WDR45B: variants seen among roughly 807,000 people sequenced by gnomAD.
WDR45B encodes the protein WD repeat domain 45B.
WDR45B carries 20 observed loss-of-function variants against 44.6 expected under a neutral mutation model. The ratio of observed to expected loss-of-function variants is 0.45; its 90% confidence interval spans 0.32 to 0.65. WDR45B has a LOEUF of 0.65. Ranked by LOEUF, WDR45B falls within the 30% of genes least tolerant of loss-of-function variation. The probability of loss-of-function intolerance (pLI) is 0.05; values close to 1 mark genes in which losing one functional copy is unlikely to be tolerated. For missense variants in WDR45B, 323 were observed against 430.2 expected (o/e 0.75, Z 2.20); for synonymous variants, 169 against 164.9 (o/e 1.02, Z -0.19).
At chr17:82,631,277 A>ATTTTTTTTTT (rs386386786) in intron 2 of WDR45B, among the ~76,000 whole-genome samples, 3 of 86,846 alleles carry the variant, frequency 3.5e-5, no homozygotes, top group East Asian at 3.4e-4. Context: ...TACAGGACTC[A>ATTTTTTTTTT]TTTTTTTTTT....
chr17:82,640,944 G>A (rs1479942251), intron 2 of WDR45B, among the ~76,000 whole-genome samples: 2 of 147,098 alleles, frequency 1.4e-5, no homozygotes, highest in African/African-American at 5.0e-5. Flanking sequence ...CTGGAATTTA[G>A]AAGTTTTAGA....
intron 2 of WDR45B, chr17:82,636,443 A>G (rs1288130395): frequency 6.6e-6 from 1 of 151,966 alleles, no homozygotes; most frequent in Admixed American, 6.6e-5. Flanking sequence ...GGTAAGAGCC[A>G]AACTTCAGGA....
At chr17:82,629,892 C>T (rs2045745524) in intron 3 of WDR45B, 10 of 985,170 alleles carry the variant, frequency 1.0e-5, no homozygotes, top group African/African-American at 1.7e-5. Flanking sequence ...ATTTGGCATG[C>T]GGCGCCCCCA....
chr17:82,642,214 C>T (rs913438001), intron 2 of WDR45B, among the ~76,000 whole-genome samples: 2 of 152,064 alleles, frequency 1.3e-5, no homozygotes, highest in Non-Finnish European at 2.9e-5. Flanking sequence ...CACAGCAGGA[C>T]GCAAGCAGCA....
chr17:82,623,492 G>A (rs1036433452), intron 5 of WDR45B, among the ~76,000 whole-genome samples: 57 of 151,780 alleles, frequency 3.8e-4, no homozygotes, highest in African/African-American at 1.3e-3. Flanking sequence ...ACGAGGTCAG[G>A]AGATCAAGAC....
chr17:82,626,455 C>T (rs2045698609), intron 4 of WDR45B, among the ~76,000 whole-genome samples: 1 of 145,076 alleles, frequency 6.9e-6, no homozygotes, highest in South Asian at 2.3e-4. Context: ...ATTGCTTGAA[C>T]CCGGGAGGCA....
At position 82,616,749 on chromosome 17, in the gene WDR45B, A is replaced by G. The variant is rs1282084976; in HGVS notation, c.807-104T>C. On this transcript the variant is annotated intron_variant, in intron 8 of 9. Transcript: ENST00000392325. Reference sequence around the variant, plus strand: ...TGAAAATACGAAAATGCTCCTTCATATGGTTTGAGCTTTAATGAATTTTTT... The same window carrying G: ...TGAAAATACGAAAATGCTCCTTCATGTGGTTTGAGCTTTAATGAATTTTTT... The G allele has an allele frequency of 3.5e-6, 5 of 1,448,324 alleles. No homozygotes were observed. In the African/African-American group the frequency reaches 4.2e-5, roughly 12 times the overall value. The allele number at this position is 1,448,324 out of a possible 1,614,324, so 89.7% of individuals were successfully genotyped here. A position where few individuals can be genotyped will look rare whatever the true frequency, so the allele number is the denominator to read the frequency against.
chr17:82,643,483 C>T (rs899365135), intron 2 of WDR45B, among the ~76,000 whole-genome samples: 1 of 151,936 alleles, frequency 6.6e-6, no homozygotes. Flanking sequence ...AGAAATTTGC[C>T]CAAGGTCGCA....
At chr17:82,639,215 A>C (rs1161537960) in intron 2 of WDR45B, among the ~76,000 whole-genome samples, 1 of 151,994 alleles carries the variant, frequency 6.6e-6, no homozygotes, top group Non-Finnish European at 1.5e-5. Flanking sequence ...TGCCATGGCC[A>C]TCTCTCCAAA....
rs191644255 is a variant in WDR45B, at chr17:82,634,892, G to T, written c.143-3870C>A. On this transcript the variant is annotated intron_variant, in intron 2 of 9. Transcript: ENST00000392325. The stretch of plus-strand genomic sequence containing the variant: ...TGAAGTTCTGACCCAGGCTGCAACA[G>T]AGATCAACCTAGAGAACACTACACT... Among the ~76,000 whole-genome samples, 306 of 152,056 alleles carry T rather than the reference G, an allele frequency of 2.0e-3. 4 individuals are homozygous for T. Among genetic ancestry groups the T allele is most frequent in the Non-Finnish European group, 7.4e-4 (50 of 68,022 alleles).
chr17:82,617,078 A>G (rs2045547190), intron 8 of WDR45B, among the ~76,000 whole-genome samples: 1 of 152,164 alleles, frequency 6.6e-6, no homozygotes, highest in African/African-American at 2.4e-5. Context: ...CGGCCTCCCA[A>G]AGTGCTGGGA....
intron 3 of WDR45B, chr17:82,629,943 T>G (rs2045746233): frequency 3.0e-6 from 3 of 985,036 alleles, no homozygotes; most frequent in African/African-American, 3.5e-5. Flanking sequence ...CCTCCCTCAC[T>G]GAGCCTCTCC....
rs966910574 is a variant in WDR45B at position 82,614,599 on chromosome 17, T to C, written c.*1320A>G. The stretch of plus-strand genomic sequence containing the variant: ...ACTACAACAAAATTAGTCACTTTTA[T>C]TTAAAAGAAACATTACAAATAAGTG... On this transcript the variant is annotated 3_prime_UTR_variant, in exon 10 of 10. Coordinates refer to ENST00000392325, the MANE Select transcript of WDR45B (RefSeq NM_019613.4). 2 of 152,654 alleles carry C rather than the reference T, an allele frequency of 1.3e-5. No homozygotes were observed. The highest frequency in any genetic ancestry group is 4.8e-5 in the African/African-American group (2 of 41,466). The allele number at this position is 152,654 out of a possible 1,614,324, so 9.5% of individuals were successfully genotyped here. A position where few individuals can be genotyped will look rare whatever the true frequency, so the allele number is the denominator to read the frequency against.
At chr17:82,625,297 G>T in intron 5 of WDR45B, 92 bp downstream of exon 5, 2 of 1,289,368 alleles carry the variant, frequency 1.6e-6, no homozygotes, top group South Asian at 1.2e-5. Context: ...CAAGCACTTT[G>T]CTCAGAGACC....
At chr17:82,621,477 T>A in intron 6 of WDR45B, 132 bp downstream of exon 6, 1 of 1,163,632 alleles carries the variant, frequency 8.6e-7, no homozygotes. Flanking sequence ...ACCAGCCAGG[T>A]CCACAGGCCC....
In WDR45B at chr17:82,615,850, G is replaced by A. The variant is rs2045525236; in HGVS notation, c.*69C>T. The stretch of plus-strand genomic sequence containing the variant: ...CAGCCCGTGGCCCAGGAGGCCCCTG[G>A]GGCACTGGCACCAGCCCCGAGAGTC... On this transcript the variant is annotated 3_prime_UTR_variant, in exon 10 of 10. Transcript: ENST00000392325. 1 of 1,478,456 alleles carries A rather than the reference G, an allele frequency of 6.8e-7. No individual in the cohort carries two copies. Among genetic ancestry groups the A allele is most frequent in the Non-Finnish European group, 9.4e-7 (1 of 1,059,586 alleles). 91.6% of individuals were successfully genotyped at this position (1,478,456 alleles called of 1,614,324 possible).
intron 4 of WDR45B, chr17:82,626,752 C>A (rs542164758): frequency 1.1e-4 from 27 of 242,130 alleles, no homozygotes; most frequent in African/African-American, 5.9e-4. Flanking sequence ...GCCCCTGAGA[C>A]CATGGCTGAC....
intron 2 of WDR45B, among the ~76,000 whole-genome samples, chr17:82,642,791 G>C (rs1423876190): frequency 6.6e-6 from 1 of 152,142 alleles, no homozygotes; most frequent in African/African-American, 2.4e-5. Context: ...GTTAAGAGTG[G>C]AGAGAAAACA....
intron 7 of WDR45B, among the ~76,000 whole-genome samples, chr17:82,618,650 T>G (rs920824397): frequency 6.6e-6 from 1 of 151,978 alleles, no homozygotes; most frequent in Non-Finnish European, 1.5e-5. Flanking sequence ...GGCAGGAGAA[T>G]CGCTTGGGCC....
Sources: allele counts gnomAD v4.1 joint callset (sites outside exome capture counted in the v4.1 genomes callset), GRCh38; gene constraint gnomAD v4.1.1; transcripts MANE v1.5; gene names NCBI Gene and HGNC (gene_info 2026-07-23, HGNC 2026-07-21).